The following LRMDA variants were observed in gnomAD, a reference collection of about 807,000 sequenced individuals.
The protein encoded by LRMDA is leucine-rich melanocyte differentiation-associated protein.
Under a neutral mutation model 29.8 loss-of-function variants are expected in LRMDA, and 18 were observed. The ratio of observed to expected loss-of-function variants is 0.60; its 90% CI spans 0.42 to 0.90. LRMDA has a LOEUF of 0.90. Ranked by LOEUF, LRMDA falls within the 40% of genes least tolerant of loss-of-function variation. LRMDA has a pLI of 0.00. For missense variants in LRMDA, 273 were observed against 273.9 expected (o/e 1.00, Z 0.02); for synonymous variants, 125 against 109.4 (o/e 1.14, Z -0.89).
chr10:75,781,267 C>G (rs1843379584), intron 2 of LRMDA, among the ~76,000 whole-genome samples: 2 of 152,102 alleles, frequency 1.3e-5, no homozygotes, highest in Non-Finnish European at 2.9e-5. Context: ...CCTCTTTGTC[C>G]CAGTGCCTGG....
intron 2 of LRMDA, among the ~76,000 whole-genome samples, chr10:75,756,298 C>T (rs562366321): frequency 4.3e-4 from 66 of 152,264 alleles, no homozygotes; most frequent in African/African-American, 1.5e-3. Flanking sequence ...TAAAAGAGAG[C>T]GGGTGTTCCT....
intron 5 of LRMDA, among the ~76,000 whole-genome samples, chr10:76,160,476 G>T (rs1185796887): frequency 2.6e-5 from 4 of 151,912 alleles, no homozygotes; most frequent in African/African-American, 9.7e-5. Context: ...GAGTATGTAT[G>T]GAAGAAATTA....
At chr10:75,759,507 A>G (rs906917228) in intron 2 of LRMDA, among the ~76,000 whole-genome samples, 24 of 152,322 alleles carry the variant, frequency 1.6e-4, no homozygotes, top group African/African-American at 5.8e-4. Context: ...TAGAAGAGAT[A>G]AGGGAAAATG....
chr10:75,870,030 G>C (rs1845082689), intron 2 of LRMDA, among the ~76,000 whole-genome samples: 1 of 152,160 alleles, frequency 6.6e-6, no homozygotes, highest in African/African-American at 2.4e-5. Context: ...ACCTGGGGCT[G>C]TGGGTGATAA....
intron 6 of LRMDA, among the ~76,000 whole-genome samples, chr10:76,331,883 T>A (rs1840909150): frequency 6.6e-6 from 1 of 152,228 alleles, no homozygotes; most frequent in Non-Finnish European, 1.5e-5. Context: ...TCGAGGTGAC[T>A]AGTGATTTGA....
rs79238840 is a variant in LRMDA, at chr10:75,456,351, G to A, written c.131+17857G>A. Reference sequence around the variant, plus strand: ...GGCCCTGTGGGCTGGCTCTGTGCTCGTTCAGAAGGGGAGGAACCAAAACTT... The same window carrying A: ...GGCCCTGTGGGCTGGCTCTGTGCTCATTCAGAAGGGGAGGAACCAAAACTT... On this transcript the variant is annotated intron_variant, in intron 2 of 6. Transcript: ENST00000611255. 7.8e-3 allele frequency among the ~76,000 whole-genome samples: 1,194 copies of A among 152,362 alleles called. 15 individuals are homozygous for A. The highest frequency in any genetic ancestry group is 0.028 in the African/African-American group (1,153 of 41,584).
intron 6 of LRMDA, among the ~76,000 whole-genome samples, chr10:76,501,960 T>C (rs559272238): frequency 6.6e-6 from 1 of 152,146 alleles, no homozygotes; most frequent in South Asian, 2.1e-4. Context: ...GAGTATTTCC[T>C]ATGTTGTCTT....
chr10:75,741,188 G>T (rs1298982489), intron 2 of LRMDA, among the ~76,000 whole-genome samples: 1 of 152,198 alleles, frequency 6.6e-6, no homozygotes, highest in Non-Finnish European at 1.5e-5. Flanking sequence ...CAGCCCCTGT[G>T]TATTTCTTTC....
intron 2 of LRMDA, among the ~76,000 whole-genome samples, chr10:75,627,136 A>G (rs1409219979): frequency 6.6e-6 from 1 of 152,250 alleles, no homozygotes; most frequent in African/African-American, 2.4e-5. Context: ...AAGCTCTCTC[A>G]TCTAAAGTAG....
At chr10:76,128,965 C>G (rs1849936640) in intron 5 of LRMDA, among the ~76,000 whole-genome samples, 2 of 152,222 alleles carry the variant, frequency 1.3e-5, no homozygotes, top group Admixed American at 1.3e-4. Flanking sequence ...CTTATCTATC[C>G]TAAGTAAAAT....
chr10:76,218,125 C>T (rs1173574314), intron 5 of LRMDA, among the ~76,000 whole-genome samples: 3 of 152,132 alleles, frequency 2.0e-5, no homozygotes, highest in Non-Finnish European at 2.9e-5. Context: ...GAGCATGGAA[C>T]GTGTGTATTT....
chr10:75,998,104 G>A (rs113260058), intron 2 of LRMDA, among the ~76,000 whole-genome samples: 14 of 152,300 alleles, frequency 9.2e-5, no homozygotes, highest in African/African-American at 2.9e-4. Context: ...TAACTGTGGT[G>A]AAGTATGAAG....
chr10:75,726,349 C>T (rs1322778476), intron 2 of LRMDA, among the ~76,000 whole-genome samples: 1 of 152,210 alleles, frequency 6.6e-6, no homozygotes, highest in Non-Finnish European at 1.5e-5. Context: ...CATGTTTACA[C>T]ATAATGCTCT....
At chr10:76,173,274 A>C (rs1181798470) in intron 5 of LRMDA, among the ~76,000 whole-genome samples, 1 of 152,228 alleles carries the variant, frequency 6.6e-6, no homozygotes, top group Non-Finnish European at 1.5e-5. Context: ...GCTACAGGAC[A>C]ACTTCAAGCT....
chr10:76,079,559 C>T (rs1486798139), intron 5 of LRMDA, among the ~76,000 whole-genome samples: 1 of 152,030 alleles, frequency 6.6e-6, no homozygotes, highest in African/African-American at 2.4e-5. Context: ...AGGCTTGGAG[C>T]CCCACATTAG....
At chr10:76,092,176 T>C (rs547419309) in intron 5 of LRMDA, among the ~76,000 whole-genome samples, 1 of 152,320 alleles carries the variant, frequency 6.6e-6, no homozygotes, top group South Asian at 2.1e-4. Context: ...TAGTGTGCAC[T>C]TAAATGATTT....
chr10:76,373,210 A>G (rs1841475930), intron 6 of LRMDA, among the ~76,000 whole-genome samples: 1 of 152,168 alleles, frequency 6.6e-6, no homozygotes, highest in Non-Finnish European at 1.5e-5. Flanking sequence ...GAATGTCCAT[A>G]CATTCTTCCA....
intron 2 of LRMDA, among the ~76,000 whole-genome samples, chr10:75,808,434 C>T (rs1279387571): frequency 3.9e-5 from 6 of 152,148 alleles, no homozygotes; most frequent in Non-Finnish European, 5.9e-5. Context: ...AAGGTGGTGC[C>T]CTGCACTCAA....
intron 5 of LRMDA, among the ~76,000 whole-genome samples, chr10:76,123,762 T>G (rs932840570): frequency 6.6e-6 from 1 of 152,218 alleles, no homozygotes; most frequent in African/African-American, 2.4e-5. Flanking sequence ...TGGTGCTCAT[T>G]AAGGCACAGG....
Sources: allele counts gnomAD v4.1 joint callset (sites outside exome capture counted in the v4.1 genomes callset), GRCh38; gene constraint gnomAD v4.1.1; transcripts MANE v1.5; gene names NCBI Gene and HGNC (gene_info 2026-07-23, HGNC 2026-07-21).